SLIT2: variants seen among roughly 807,000 people sequenced by gnomAD.
SLIT2 encodes the protein slit homolog 2 protein.
SLIT2 carries 41 observed loss-of-function variants against 185.7 expected under a neutral mutation model. That is an observed-to-expected ratio of 0.22 (90% CI 0.17 to 0.29). The LOEUF is 0.29. SLIT2 is among the 10% of genes least tolerant of loss of function. SLIT2 has a pLI of 1.00. For missense variants in SLIT2, 1,571 were observed against 1,909.0 expected (o/e 0.82, Z 3.30); for synonymous variants, 693 against 680.2 (o/e 1.02, Z -0.29).
chr4:20,284,333 T>C (rs1698556868), intron 4 of SLIT2, among the ~76,000 whole-genome samples: 1 of 152,230 alleles, frequency 6.6e-6, no homozygotes, highest in South Asian at 2.1e-4. Context: ...AACTGCTAAT[T>C]CTTATATTGT....
intron 4 of SLIT2, among the ~76,000 whole-genome samples, chr4:20,397,099 A>C: frequency 6.6e-6 from 1 of 151,738 alleles, no homozygotes; most frequent in African/African-American, 2.4e-5. Flanking sequence ...GTGATTAATT[A>C]ATTCATTTAT....
chr4:20,255,352 C>A (rs1000015592), intron 1 of SLIT2, among the ~76,000 whole-genome samples: 1 of 152,216 alleles, frequency 6.6e-6, no homozygotes, highest in Admixed American at 6.5e-5. Context: ...GCTCTTCTAC[C>A]CCCAGCCTCA....
chr4:20,472,386 G>GATATAGATATCTATATATCTATATATA (rs1560453735), intron 5 of SLIT2, among the ~76,000 whole-genome samples: 470 of 38,324 alleles, frequency 0.012, 26 homozygotes, highest in East Asian at 0.025. Flanking sequence ...CTATATATAT[G>GATATAGATATCTATATATCTATATATA]TAGATATATA....
Position 20,517,068 on chromosome 4 carries a change from C to T in SLIT2, c.1059-2314C>T, listed in dbSNP as rs183794266. Among the ~76,000 whole-genome samples the T allele has an allele frequency of 1.2e-4, 19 of 152,308 alleles. No homozygotes were observed. In the East Asian group the frequency reaches 1.5e-3, roughly 12 times the overall value. ...CAAAGCAGAAGTCTCAAGTGAACAA[C>T]CTACTAAATTGTCCACCCCTTGATA... On this transcript the variant is annotated intron_variant, in intron 11 of 36. Transcript: ENST00000504154.
intron 4 of SLIT2, among the ~76,000 whole-genome samples, chr4:20,439,267 T>G (rs1729571140): frequency 1.3e-5 from 2 of 152,196 alleles, no homozygotes; most frequent in Admixed American, 1.3e-4. Flanking sequence ...AGACGTTCCA[T>G]AACAAAGCAC....
chr4:20,279,827 AT>A (rs1475732258), intron 4 of SLIT2, among the ~76,000 whole-genome samples: 2 of 152,152 alleles, frequency 1.3e-5, no homozygotes, highest in African/African-American at 4.8e-5. Context: ...GTCACATATA[AT>A]TCTTTAATCG....
At chr4:20,410,657 C>A (rs893586073) in intron 4 of SLIT2, among the ~76,000 whole-genome samples, 1 of 152,030 alleles carries the variant, frequency 6.6e-6, no homozygotes, top group Non-Finnish European at 1.5e-5. Flanking sequence ...CTCCCAGTAC[C>A]ATTTATTAAA....
In SLIT2 at chr4:20,519,463, TG is replaced by T. The variant is rs1483579754; in HGVS notation, c.1130+11del. On this transcript the variant is annotated intron_variant, in intron 12 of 36. Coordinates refer to ENST00000504154, the MANE Select transcript of SLIT2 (RefSeq NM_004787.4). ...TTTCCTTACAGCTCCTGTAAGTATTTGATTGTTTTGGATCTCTCGAGCCTAA... is the reference window on the plus strand; with the variant it reads ...TTTCCTTACAGCTCCTGTAAGTATTTATTGTTTTGGATCTCTCGAGCCTAA... 1 of 1,512,190 alleles carries T rather than the reference TG, an allele frequency of 6.6e-7. No homozygotes were observed. Among genetic ancestry groups the T allele is most frequent in the Non-Finnish European group, 9.2e-7 (1 of 1,089,526 alleles). The allele number at this position is 1,512,190 out of a possible 1,614,324, so 93.7% of individuals were successfully genotyped here. A position where few individuals can be genotyped will look rare whatever the true frequency, so the allele number is the denominator to read the frequency against.
intron 11 of SLIT2, among the ~76,000 whole-genome samples, chr4:20,518,588 T>TATATATATATATATATA (rs1475880730): frequency 1.2e-3 from 9 of 7,590 alleles, no homozygotes; most frequent in Non-Finnish European, 1.8e-3. Flanking sequence ...TATATATATA[T>TATATATATATATATATA]TTTTTTTTTT....
At chr4:20,335,795 T>G (rs529516830) in intron 4 of SLIT2, among the ~76,000 whole-genome samples, 8 of 152,208 alleles carry the variant, frequency 5.3e-5, no homozygotes, top group African/African-American at 1.9e-4. Context: ...AATATTACTG[T>G]CTAAGGACTC....
chr4:20,487,516 T>C (rs1717357163), intron 7 of SLIT2, among the ~76,000 whole-genome samples: 1 of 152,192 alleles, frequency 6.6e-6, no homozygotes, highest in Non-Finnish European at 1.5e-5. Context: ...GGTTTTTCCA[T>C]TTTTACATTC....
chr4:20,448,483 G>A (rs1486050507), intron 4 of SLIT2, among the ~76,000 whole-genome samples: 1 of 151,922 alleles, frequency 6.6e-6, no homozygotes. Flanking sequence ...ACTACACCCA[G>A]CCAATTTTTG....
At chr4:20,409,182 A>T (rs575506969) in intron 4 of SLIT2, among the ~76,000 whole-genome samples, 1 of 152,162 alleles carries the variant, frequency 6.6e-6, no homozygotes, top group African/African-American at 2.4e-5. Flanking sequence ...TATTAAGCCC[A>T]GTATCCATTA....
rs56256520 is a variant in SLIT2 at position 20,463,448 on chromosome 4, G to GATATAT, written c.396-4265_396-4260dup. ...ACTATCTTCATTGACCTCAAACTGTGATATATATATATATATATATATATA... is the reference window on the plus strand; with the variant it reads ...ACTATCTTCATTGACCTCAAACTGTGATATATATATATATATATATATATATATATA... On this transcript the variant is annotated intron_variant, in intron 4 of 36. Coordinates refer to ENST00000504154, the MANE Select transcript of SLIT2 (RefSeq NM_004787.4). Among the ~76,000 whole-genome samples the GATATAT allele has an allele frequency of 7.9e-3, 531 of 67,100 alleles. 1 individual carries two copies. Among genetic ancestry groups the GATATAT allele is most frequent in the Non-Finnish European group, 9.7e-3 (331 of 34,272 alleles). The allele number at this position is 67,100 out of a possible 152,430, so 44.0% of individuals were successfully genotyped here. A position where few individuals can be genotyped will look rare whatever the true frequency, so the allele number is the denominator to read the frequency against.
At chr4:20,290,754 G>GT (rs1464672963) in intron 4 of SLIT2, among the ~76,000 whole-genome samples, 12 of 122,168 alleles carry the variant, frequency 9.8e-5, no homozygotes, top group South Asian at 3.0e-4. Context: ...CTGTTTTCAT[G>GT]GTTTTTTTTT....
At chr4:20,567,066 A>G (rs2290749) in intron 26 of SLIT2, among the ~76,000 whole-genome samples, 196 bp from the exon 27 acceptor site, 9,900 of 152,058 alleles carry the variant, frequency 0.065, 518 homozygotes, top group East Asian at 0.14. Flanking sequence ...AGTACATCCA[A>G]TTGAGAAGGC....
chr4:20,543,497 ATC>A (rs967850869), intron 21 of SLIT2, among the ~76,000 whole-genome samples: 62 of 151,968 alleles, frequency 4.1e-4, no homozygotes, highest in Admixed American at 2.0e-4. Context: ...TTTATTTTTT[ATC>A]TATGTGGAAC....
chr4:20,567,474 C>A, intron 27 of SLIT2, 44 bp from the exon 28 acceptor site: 2 of 1,608,156 alleles, frequency 1.2e-6, no homozygotes, highest in Non-Finnish European at 1.7e-6. Context: ...TCTGTATGTG[C>A]CAAGAACTAC....
chr4:20,586,799 T>G (rs1037741733), intron 29 of SLIT2, among the ~76,000 whole-genome samples: 1 of 151,980 alleles, frequency 6.6e-6, no homozygotes, highest in Non-Finnish European at 1.5e-5. Flanking sequence ...ATATAATGGA[T>G]GAGAAAAGTG....
Sources: allele counts gnomAD v4.1 joint callset (sites outside exome capture counted in the v4.1 genomes callset), GRCh38; gene constraint gnomAD v4.1.1; transcripts MANE v1.5; gene names NCBI Gene and HGNC (gene_info 2026-07-23, HGNC 2026-07-21).